Variants in CYP2J2 observed in about 807,000 individuals in gnomAD.
CYP2J2 encodes the protein cytochrome P450 2J2.
In CYP2J2, 41 loss-of-function variants were observed where a neutral mutation model predicts 48.8. The ratio of observed to expected loss-of-function variants is 0.84; its 90% CI spans 0.66 to 1.09. The LOEUF (loss-of-function observed/expected upper bound fraction) is 1.09, where lower values mean the gene tolerates loss of function less well. CYP2J2 is among the 50% of genes least tolerant of loss of function. The pLI is 0.00. For synonymous variants in CYP2J2, 221 were observed against 227.1 expected (o/e 0.97, Z 0.24); for missense variants, 644 against 617.3 (o/e 1.04, Z -0.46).
chr1:59,963,895 A>G, the CYP2J2 span, among the ~76,000 whole-genome samples: 1 of 152,210 alleles, frequency 6.6e-6, no homozygotes, highest in Non-Finnish European at 1.5e-5. Context: ...AAATAAAATT[A>G]TCTGTTATAC....
the CYP2J2 span, among the ~76,000 whole-genome samples, chr1:59,950,276 G>A: frequency 6.6e-6 from 1 of 152,134 alleles, no homozygotes; most frequent in East Asian, 1.9e-4. Context: ...GCCCTAAGTA[G>A]GTACAGGTAC....
At chr1:59,905,836 A>G (rs1300741665) in intron 6 of CYP2J2, among the ~76,000 whole-genome samples, 1 of 152,206 alleles carries the variant, frequency 6.6e-6, no homozygotes, top group Non-Finnish European at 1.5e-5. Flanking sequence ...GAGAAACTGT[A>G]GCAGCCTTAT....
the CYP2J2 span, among the ~76,000 whole-genome samples, chr1:59,964,086 C>G: frequency 6.6e-6 from 1 of 152,154 alleles, no homozygotes; most frequent in African/African-American, 2.4e-5. Context: ...AGACCAGCCT[C>G]TTAATTTTTT....
intron 6 of CYP2J2, among the ~76,000 whole-genome samples, chr1:59,906,013 C>T (rs1644361823): frequency 6.6e-6 from 1 of 152,072 alleles, no homozygotes; most frequent in African/African-American, 2.4e-5. Context: ...GGTGAAATCC[C>T]ATCTCTACTA....
chr1:59,899,852 G>C (rs1343917470), intron 8 of CYP2J2, among the ~76,000 whole-genome samples: 3 of 152,164 alleles, frequency 2.0e-5, no homozygotes, highest in Non-Finnish European at 4.4e-5. Flanking sequence ...TATCACCAGG[G>C]CTGAATGCTT....
the CYP2J2 span, among the ~76,000 whole-genome samples, chr1:59,965,058 T>C: frequency 3.3e-5 from 5 of 152,192 alleles, no homozygotes; most frequent in South Asian, 1.0e-3. Context: ...GATAACATAA[T>C]TATGAGTATA....
At chr1:59,915,378 G>A (rs1176514699) in intron 2 of CYP2J2, among the ~76,000 whole-genome samples, 1 of 151,970 alleles carries the variant, frequency 6.6e-6, no homozygotes, top group Admixed American at 6.5e-5. Context: ...ACCTAAAAGT[G>A]GTGATTTAAT....
chr1:59,954,030 A>G, the CYP2J2 span, among the ~76,000 whole-genome samples: 3 of 152,216 alleles, frequency 2.0e-5, no homozygotes, highest in Admixed American at 1.3e-4. Context: ...AGACATGGCC[A>G]ATAAAATGTG....
chr1:59,912,065 G>A (rs1184570571), intron 3 of CYP2J2, 97 bp downstream of exon 3: 4 of 1,328,728 alleles, frequency 3.0e-6, no homozygotes, highest in Non-Finnish European at 4.1e-6. Flanking sequence ...TCCTAGCACA[G>A]TGCTGGGCAT....
chr1:59,943,725 T>C, the CYP2J2 span, among the ~76,000 whole-genome samples: 1 of 151,856 alleles, frequency 6.6e-6, no homozygotes, highest in Non-Finnish European at 1.5e-5. Context: ...GAAGGGAAAG[T>C]CCGACATCAT....
At chr1:59,946,440 T>C in the CYP2J2 span, among the ~76,000 whole-genome samples, 1 of 152,258 alleles carries the variant, frequency 6.6e-6, no homozygotes, top group African/African-American at 2.4e-5. Context: ...ACTTTATTTT[T>C]TTCTTACACC....
At chr1:59,955,372 C>T in the CYP2J2 span, among the ~76,000 whole-genome samples, 10 of 150,450 alleles carry the variant, frequency 6.6e-5, no homozygotes, top group African/African-American at 2.4e-4. Context: ...TGAGTGCCAA[C>T]TTGTAGATAG....
At chr1:59,936,084 C>T in the CYP2J2 span, among the ~76,000 whole-genome samples, 1 of 152,214 alleles carries the variant, frequency 6.6e-6, no homozygotes, top group Non-Finnish European at 1.5e-5. Flanking sequence ...TACTCTCTTA[C>T]ACTTGAGATG....
At chr1:59,961,800 C>T in the CYP2J2 span, among the ~76,000 whole-genome samples, 9 of 152,068 alleles carry the variant, frequency 5.9e-5, no homozygotes, top group Admixed American at 5.9e-4. Context: ...TCTGTCACAT[C>T]CAAACAATAG....
the CYP2J2 span, among the ~76,000 whole-genome samples, chr1:59,939,129 C>T: frequency 1.3e-3 from 200 of 152,290 alleles, 1 homozygote; most frequent in African/African-American, 4.5e-3. Flanking sequence ...TTTACACAGA[C>T]ACAGTAACAG....
chr1:59,897,618 T>C (rs1188882233), intron 8 of CYP2J2, among the ~76,000 whole-genome samples: 1 of 152,200 alleles, frequency 6.6e-6, no homozygotes, highest in Non-Finnish European at 1.5e-5. Flanking sequence ...ACTTACAATT[T>C]TGGCAAAGTT....
intron 1 of CYP2J2, among the ~76,000 whole-genome samples, chr1:59,918,467 T>TA (rs1394447694): frequency 1.3e-5 from 2 of 152,126 alleles, no homozygotes; most frequent in Admixed American, 6.6e-5. Context: ...CAGAACTAGA[T>TA]AAAAAACTTG....
chr1:59,902,257 G>A (rs1247182043), intron 7 of CYP2J2, among the ~76,000 whole-genome samples: 1 of 152,014 alleles, frequency 6.6e-6, no homozygotes, highest in Non-Finnish European at 1.5e-5. Flanking sequence ...TTTCCTTTGG[G>A]CAGTTATCAC....
At chr1:59,938,107 T>A in the CYP2J2 span, among the ~76,000 whole-genome samples, 12 of 152,322 alleles carry the variant, frequency 7.9e-5, 1 homozygote, top group African/African-American at 2.9e-4. Flanking sequence ...AAGGCATGTT[T>A]TCCTGGATTG....
Sources: allele counts gnomAD v4.1 joint callset (sites outside exome capture counted in the v4.1 genomes callset), GRCh38; gene constraint gnomAD v4.1.1; transcripts MANE v1.5; gene names NCBI Gene and HGNC (gene_info 2026-07-23, HGNC 2026-07-21).